The following GADL1 variants were observed in gnomAD, a reference collection of about 807,000 sequenced individuals.
GADL1 encodes GAD like acidic amino acid decarboxylase 1.
Under a neutral mutation model 69.5 loss-of-function variants are expected in GADL1, and 71 were observed. The ratio of observed to expected loss-of-function variants is 1.02; its 90% CI spans 0.84 to 1.25. The LOEUF is 1.25. Among genes scored for constraint, GADL1 ranks in the 50% most tolerant of loss-of-function variants. GADL1 has a pLI of 0.00. For missense variants in GADL1, 737 were observed against 631.8 expected (o/e 1.17, Z -1.79); for synonymous variants, 254 against 214.4 (o/e 1.18, Z -1.62).
intron 11 of GADL1, among the ~76,000 whole-genome samples, chr3:30,804,382 T>A (rs1360887244): frequency 6.6e-6 from 1 of 152,176 alleles, no homozygotes; most frequent in Non-Finnish European, 1.5e-5. Context: ...CTGGTGGTGC[T>A]ACTAACAAAG....
At chr3:30,772,118 A>AGAT (rs1450420261) in intron 14 of GADL1, among the ~76,000 whole-genome samples, 1 of 152,072 alleles carries the variant, frequency 6.6e-6, no homozygotes, top group Non-Finnish European at 1.5e-5. Flanking sequence ...CTCTTTCTAA[A>AGAT]GATATCTGGA....
In GADL1 at chr3:30,844,205, C is replaced by T; in HGVS notation, c.786+5G>A. On this transcript the variant is annotated splice_donor_5th_base_variant and intron_variant, in intron 8 of 14. Coordinates refer to ENST00000282538, the MANE Select transcript of GADL1 (RefSeq NM_207359.3). ...CTCTCTCCCTCTCGCTTTCTCCCCT[C>T]TCACCTCTTTTCTGGCTTGCCAGAC... 1.9e-6 allele frequency: 3 copies of T among 1,611,432 alleles called. No homozygotes were observed. Among genetic ancestry groups the T allele is most frequent in the Non-Finnish European group, 8.5e-7 (1 of 1,178,426 alleles).
At position 30,801,047 on chromosome 3, in the gene GADL1, G is replaced by A. The variant is rs1205982848; in HGVS notation, c.1092C>T (p.Leu364=). Residue 364 remains leucine, a synonymous_variant, in exon 12 of 15, where the codon CTC becomes CTT. Transcript: ENST00000282538. ...CATCATAGAATTTATCCTGCTGGAA[G>A]AGGTAAGATGCCTTGGCAGAGTAGC... ...KKCYSAKASY[L]FQQDKFYDVS... 11 of 1,614,006 alleles carry A rather than the reference G, an allele frequency of 6.8e-6. No homozygotes were observed. The East Asian group carries it at 1.1e-4, about 16-fold the overall frequency.
intron 1 of GADL1, among the ~76,000 whole-genome samples, 179 bp downstream of exon 1, chr3:30,894,396 AAAT>A (rs1376200297): frequency 3.9e-5 from 6 of 152,252 alleles, no homozygotes; most frequent in Non-Finnish European, 5.9e-5. Flanking sequence ...ATTTGATTCT[AAAT>A]AATAACCTTT....
chr3:30,742,698 G>C (rs1460882000), intron 14 of GADL1, among the ~76,000 whole-genome samples: 2 of 151,962 alleles, frequency 1.3e-5, no homozygotes, highest in Non-Finnish European at 2.9e-5. Context: ...AGTTTAAGGG[G>C]AAGGTATTTC....
In GADL1 at chr3:30,764,760, G is replaced by A. The variant is rs188642088; in HGVS notation, c.1392+13419C>T. Among the ~76,000 whole-genome samples, 74 of 152,216 alleles carry A rather than the reference G, an allele frequency of 4.9e-4. 1 individual carries two copies. The East Asian group carries it at 0.013, about 26-fold the overall frequency. On this transcript the variant is annotated intron_variant, in intron 14 of 14. Transcript: ENST00000282538. ...CTGCCACAGTATTCTAGTCCACCTC[G>A]GTATACTTCAGTGTCGGCTCACCCC...
intron 11 of GADL1, 41 bp from the exon 12 acceptor site, chr3:30,801,129 A>C: frequency 6.7e-7 from 1 of 1,490,742 alleles, no homozygotes. Context: ...AAACTTTAGA[A>C]TATAACTTGA....
At chr3:30,759,552 C>A (rs1696070376) in intron 14 of GADL1, among the ~76,000 whole-genome samples, 1 of 152,230 alleles carries the variant, frequency 6.6e-6, no homozygotes, top group South Asian at 2.1e-4. Context: ...CACGTTCCCA[C>A]AGTAACACTG....
intron 8 of GADL1, among the ~76,000 whole-genome samples, chr3:30,843,258 CTTT>C (rs71094001): frequency 1.4e-5 from 2 of 139,196 alleles, no homozygotes; most frequent in African/African-American, 5.3e-5. Flanking sequence ...AATGATACAC[CTTT>C]TTTTTTTTTT....
At chr3:30,731,899 T>C (rs1575176705) in intron 14 of GADL1, among the ~76,000 whole-genome samples, 1 of 152,316 alleles carries the variant, frequency 6.6e-6, no homozygotes, top group African/African-American at 2.4e-5. Flanking sequence ...TATCACAAAC[T>C]ATTCTGCTGG....
intron 12 of GADL1, among the ~76,000 whole-genome samples, chr3:30,791,160 T>C (rs1422063426): frequency 2.0e-5 from 3 of 152,184 alleles, no homozygotes; most frequent in Non-Finnish European, 1.5e-5. Flanking sequence ...TGGTTACTTA[T>C]ATAGTTTTTG....
intron 14 of GADL1, among the ~76,000 whole-genome samples, chr3:30,737,797 A>T (rs1695560401): frequency 6.6e-6 from 1 of 152,184 alleles, no homozygotes. Context: ...TATATCTGAA[A>T]ATCAGACATG....
chr3:30,837,124 A>C (rs545989271), intron 9 of GADL1, among the ~76,000 whole-genome samples: 2 of 151,102 alleles, frequency 1.3e-5, no homozygotes, highest in East Asian at 3.9e-4. Context: ...CCAGAAGAAC[A>C]AGTAAATGTC....
intron 4 of GADL1, among the ~76,000 whole-genome samples, chr3:30,853,524 C>CT (rs1260181976): frequency 6.6e-6 from 1 of 152,128 alleles, no homozygotes; most frequent in Non-Finnish European, 1.5e-5. Context: ...CCTATGCATT[C>CT]TTGGATATTT....
chr3:30,751,461 C>T (rs9310943), intron 14 of GADL1, among the ~76,000 whole-genome samples: 51,326 of 150,614 alleles, frequency 0.34, 9,476 homozygotes, highest in African/African-American at 0.47. Flanking sequence ...TTCGTGTCTT[C>T]TGTTCAACAT....
chr3:30,808,529 T>C (rs767913500), intron 11 of GADL1, among the ~76,000 whole-genome samples: 44 of 150,812 alleles, frequency 2.9e-4, no homozygotes, highest in Admixed American at 4.6e-4. Flanking sequence ...ATCATTCAAA[T>C]GTGAGATTTC....
intron 11 of GADL1, among the ~76,000 whole-genome samples, chr3:30,826,281 C>T (rs1697679057): frequency 1.3e-5 from 2 of 151,858 alleles, no homozygotes; most frequent in Non-Finnish European, 2.9e-5. Context: ...GACAAAAGGA[C>T]ACAAAGGCAG....
chr3:30,816,240 C>T (rs571246766), intron 11 of GADL1, among the ~76,000 whole-genome samples: 2 of 152,042 alleles, frequency 1.3e-5, no homozygotes, highest in East Asian at 3.9e-4. Context: ...CAGAAAGGCC[C>T]CCTGGAAGAG....
chr3:30,872,606 G>A (rs1575243517), intron 1 of GADL1, among the ~76,000 whole-genome samples: 1 of 151,992 alleles, frequency 6.6e-6, no homozygotes, highest in East Asian at 1.9e-4. Context: ...CCTTCCCCTA[G>A]GACATGGTCT....
Sources: allele counts gnomAD v4.1 joint callset (sites outside exome capture counted in the v4.1 genomes callset), GRCh38; gene constraint gnomAD v4.1.1; transcripts MANE v1.5; gene names NCBI Gene and HGNC (gene_info 2026-07-23, HGNC 2026-07-21).